HPSE2: variants seen among roughly 807,000 people sequenced by gnomAD.
HPSE2 encodes the protein heparanase 2 (inactive), also known as inactive heparanase-2.
HPSE2 carries 38 observed loss-of-function variants against 60.5 expected under a neutral mutation model. That is an observed-to-expected ratio of 0.63 (90% CI 0.48 to 0.82). The LOEUF (loss-of-function observed/expected upper bound fraction) is 0.82, where lower values mean the gene tolerates loss of function less well. Ranked by LOEUF, HPSE2 falls within the 40% of genes least tolerant of loss-of-function variation. HPSE2 has a pLI of 0.00. For missense variants in HPSE2, 713 were observed against 740.4 expected (o/e 0.96, Z 0.43); for synonymous variants, 295 against 293.2 (o/e 1.01, Z -0.06).
At chr10:98,704,376 T>C (rs763527332) in intron 5 of HPSE2, among the ~76,000 whole-genome samples, 9 of 151,886 alleles carry the variant, frequency 5.9e-5, no homozygotes, top group Non-Finnish European at 1.0e-4. Context: ...CAAACTACCA[T>C]TGACATTTTT....
At chr10:98,760,336 T>C (rs1409244416) in intron 3 of HPSE2, among the ~76,000 whole-genome samples, 1 of 152,148 alleles carries the variant, frequency 6.6e-6, no homozygotes, top group Non-Finnish European at 1.5e-5. Context: ...TCTAGTACTA[T>C]GTTGAATATA....
At chr10:98,671,177 T>A (rs938490221) in intron 6 of HPSE2, among the ~76,000 whole-genome samples, 3 of 152,150 alleles carry the variant, frequency 2.0e-5, no homozygotes, top group Non-Finnish European at 4.4e-5. Flanking sequence ...TGCCTGGTGG[T>A]AGTGTAGAAG....
intron 3 of HPSE2, among the ~76,000 whole-genome samples, chr10:99,058,587 T>C (rs974808067): frequency 6.6e-6 from 1 of 152,222 alleles, no homozygotes; most frequent in Admixed American, 6.5e-5. Context: ...CGTTTAGGTA[T>C]TGCCAAATGG....
chr10:98,552,229 A>C lies in HPSE2; in HGVS notation c.1321-62033T>G, dbSNP rs1392115108. ...TTAAGGGAAAATAGGTAGCTAGTAA[A>C]TGGTGCTGCCACTTACTAGATGTGT... On this transcript the variant is annotated intron_variant, in intron 9 of 11. Coordinates refer to ENST00000370552, the MANE Select transcript of HPSE2 (RefSeq NM_021828.5). Among the ~76,000 whole-genome samples, 11 of 152,304 alleles carry C rather than the reference A, an allele frequency of 7.2e-5. No homozygotes were observed. In the East Asian group the frequency reaches 1.9e-3, roughly 27 times the overall value.
intron 3 of HPSE2, among the ~76,000 whole-genome samples, chr10:98,972,637 CATT>C (rs1564701922): frequency 2.0e-5 from 3 of 152,068 alleles, no homozygotes; most frequent in South Asian, 4.1e-4. Context: ...GAAATTGTAT[CATT>C]GAGTTATTTA....
chr10:98,530,311 CTT>C (rs1943091445), intron 9 of HPSE2, among the ~76,000 whole-genome samples: 1 of 152,178 alleles, frequency 6.6e-6, no homozygotes, highest in African/African-American at 2.4e-5. Context: ...GGTTCTCAAA[CTT>C]TAGCATGCAT....
At chr10:98,969,147 G>C (rs1244981157) in intron 3 of HPSE2, among the ~76,000 whole-genome samples, 4 of 151,872 alleles carry the variant, frequency 2.6e-5, no homozygotes, top group East Asian at 1.9e-4. Context: ...AAATGCGAGA[G>C]AGCATGACAT....
At chr10:98,768,237 A>G (rs926256672) in intron 3 of HPSE2, among the ~76,000 whole-genome samples, 2 of 152,138 alleles carry the variant, frequency 1.3e-5, no homozygotes, top group Non-Finnish European at 2.9e-5. Flanking sequence ...AATTCCCTAC[A>G]CTTTTTTGTA....
intron 9 of HPSE2, among the ~76,000 whole-genome samples, chr10:98,587,248 T>G (rs1944964623): frequency 6.6e-6 from 1 of 151,988 alleles, no homozygotes; most frequent in South Asian, 2.1e-4. Context: ...GTTTAGTGAG[T>G]TTTTCAAAGG....
chr10:98,518,134 C>T (rs1198561345), intron 9 of HPSE2, among the ~76,000 whole-genome samples: 1 of 152,100 alleles, frequency 6.6e-6, no homozygotes, highest in Non-Finnish European at 1.5e-5. Context: ...CAGTTTTTGC[C>T]TGGAGTTGGT....
At chr10:98,517,873 T>A (rs1942653263) in intron 9 of HPSE2, among the ~76,000 whole-genome samples, 1 of 152,242 alleles carries the variant, frequency 6.6e-6, no homozygotes. Context: ...CGGTCAAAAC[T>A]GAATGAGATG....
At chr10:98,884,609 T>C (rs1025105368) in intron 3 of HPSE2, among the ~76,000 whole-genome samples, 1 of 152,198 alleles carries the variant, frequency 6.6e-6, no homozygotes, top group South Asian at 2.1e-4. Flanking sequence ...AAAACCTGGA[T>C]GACAGCACAT....
chr10:98,615,807 G>A (rs1452406740), intron 8 of HPSE2, among the ~76,000 whole-genome samples: 1 of 152,098 alleles, frequency 6.6e-6, no homozygotes, highest in Admixed American at 6.6e-5. Context: ...CTGAAACTTA[G>A]GGAAACTTCT....
In HPSE2 at chr10:98,490,091, C is replaced by A. The variant is rs753939619; in HGVS notation, c.1426G>T (p.Asp476Tyr). ...CAGTGAGCATAAATCCTTAGTTTGT[C>A]CCGGATCACTCGGCCAGGCCGTGGC... is the stretch of plus-strand genomic sequence containing the variant. ...RKPRPGRVIR[D>Y]KLRIYAHCTN... Residue 476 changes from aspartate to tyrosine, a missense_variant, in exon 10 of 12, where the codon GAC becomes TAC. Physicochemically the swap from Asp to Tyr is radical, Grantham distance 160. Transcript: ENST00000370552. 1.9e-6 allele frequency: 3 copies of A among 1,614,208 alleles called. No individual in the cohort carries two copies. The highest frequency in any genetic ancestry group is 2.5e-6 in the Non-Finnish European group (3 of 1,180,046).
At chr10:99,234,418 C>G (rs1222076326) in intron 1 of HPSE2, among the ~76,000 whole-genome samples, 1 of 152,210 alleles carries the variant, frequency 6.6e-6, no homozygotes, top group East Asian at 1.9e-4. Flanking sequence ...GGACGCACAA[C>G]GGACCTGGCC....
At position 99,144,305 on chromosome 10, in the gene HPSE2, T is replaced by C. The variant is rs750275906; in HGVS notation, c.543A>G (p.Ala181=). ...DVMLELQREK[A]AQMHLVLLKE... ...TTAGAAGAACCAGATGCATCTGAGCTGCCTTCTCCCTTTGGAGCTCCAGCA... is the reference window on the plus strand; with the variant it reads ...TTAGAAGAACCAGATGCATCTGAGCCGCCTTCTCCCTTTGGAGCTCCAGCA... The change falls in exon 3 of 12, where the codon GCA becomes GCG. Residue 181 remains alanine (A), a synonymous_variant. Coordinates refer to ENST00000370552, the MANE Select transcript of HPSE2 (RefSeq NM_021828.5). The C allele has an allele frequency of 1.2e-6, 2 of 1,614,132 alleles. No homozygotes were observed. The highest frequency in any genetic ancestry group is 1.1e-5 in the South Asian group (1 of 91,088).
At chr10:99,154,535 T>C (rs1230580936) in intron 2 of HPSE2, among the ~76,000 whole-genome samples, 1 of 148,606 alleles carries the variant, frequency 6.7e-6, no homozygotes, top group Non-Finnish European at 1.5e-5. Context: ...TAAAATACTT[T>C]ACAGACAAGC....
At chr10:98,460,715 T>C (rs1925645) in intron 11 of HPSE2, among the ~76,000 whole-genome samples, 81,607 of 152,162 alleles carry the variant, frequency 0.54, 22,184 homozygotes, top group African/African-American at 0.62. Flanking sequence ...TCACAATTCA[T>C]CTATCTTGCT....
At chr10:98,812,732 A>C (rs886334207) in intron 3 of HPSE2, among the ~76,000 whole-genome samples, 3 of 152,222 alleles carry the variant, frequency 2.0e-5, no homozygotes, top group African/African-American at 7.2e-5. Flanking sequence ...CATCTGAAAC[A>C]GCACTTTCAT....
Sources: allele counts gnomAD v4.1 joint callset (sites outside exome capture counted in the v4.1 genomes callset), GRCh38; gene constraint gnomAD v4.1.1; transcripts MANE v1.5; gene names NCBI Gene and HGNC (gene_info 2026-07-23, HGNC 2026-07-21).